CPN1: variants seen among roughly 807,000 people sequenced by gnomAD.
The protein encoded by CPN1 is carboxypeptidase N subunit 1.
CPN1 carries 37 observed loss-of-function variants against 46.4 expected under a neutral mutation model. That is an observed-to-expected ratio of 0.80 (90% CI 0.61 to 1.05). The LOEUF is 1.05. CPN1 is among the 50% of genes least tolerant of loss of function. The pLI is 0.00. For synonymous variants in CPN1, 224 were observed against 235.4 expected (o/e 0.95, Z 0.44); for missense variants, 563 against 602.6 (o/e 0.93, Z 0.69).
At chr10:100,044,404 T>G (rs1037666057) in intron 8 of CPN1, among the ~76,000 whole-genome samples, 1 of 152,224 alleles carries the variant, frequency 6.6e-6, no homozygotes, top group East Asian at 1.9e-4. Flanking sequence ...AGATAAGGTC[T>G]TACTCTGTCA....
rs139746954 is a variant in CPN1 at position 100,051,227 on chromosome 10, A to T, written c.1112-2351T>A. Among the ~76,000 whole-genome samples, 670 of 152,336 alleles carry T rather than the reference A, an allele frequency of 4.4e-3. 11 individuals carry two copies. The highest frequency in any genetic ancestry group is 0.015 in the African/African-American group (620 of 41,578). Reference sequence around the variant, plus strand: ...ATTTGAAATAATAAATACAATAAACATTGAGACAAACAATAATGAAGAAGT... The same window carrying T: ...ATTTGAAATAATAAATACAATAAACTTTGAGACAAACAATAATGAAGAAGT... On this transcript the variant is annotated intron_variant, in intron 7 of 8. Transcript: ENST00000370418.
At position 100,054,371 on chromosome 10, in the gene CPN1, C is replaced by T. The variant is rs1167453405; in HGVS notation, c.1087G>A (p.Gly363Arg). 1.9e-6 allele frequency: 3 copies of T among 1,613,976 alleles called. No homozygotes were observed. The highest frequency in any genetic ancestry group is 2.2e-5 in the South Asian group (2 of 91,076). Residue 363 changes from glycine (G) to arginine (R), a missense_variant, in exon 7 of 9, where the codon GGG (glycine) becomes AGG (arginine). Gly to Arg is a moderately radical substitution (Grantham distance 125). Transcript: ENST00000370418. ...CCTGAAGTGACATCATGGTTAATCC[C>T]ACTGACAGAAATGACAGCATTGGCG... ...NLANAVISVSGINHDVTSGDH... is the reference protein window; with the variant it reads ...NLANAVISVSRINHDVTSGDH...
At chr10:100,062,671 G>A (rs1472020812) in intron 5 of CPN1, among the ~76,000 whole-genome samples, 3 of 148,872 alleles carry the variant, frequency 2.0e-5, no homozygotes, top group Non-Finnish European at 4.4e-5. Context: ...TCACTGCACT[G>A]CAGCCTTGAC....
chr10:100,080,949 A>G (rs184574321), intron 1 of CPN1, among the ~76,000 whole-genome samples: 285 of 152,240 alleles, frequency 1.9e-3, no homozygotes, highest in South Asian at 8.3e-3. Context: ...CAAGTCCCCA[A>G]ACTCTCTCTG....
At chr10:100,045,196 AT>A (rs2041301048) in intron 8 of CPN1, among the ~76,000 whole-genome samples, 1 of 152,198 alleles carries the variant, frequency 6.6e-6, no homozygotes, top group African/African-American at 2.4e-5. Flanking sequence ...ATGTTAATTT[AT>A]TTAAAGAATA....
At chr10:100,044,391 T>G (rs1408618120) in intron 8 of CPN1, among the ~76,000 whole-genome samples, 2 of 152,198 alleles carry the variant, frequency 1.3e-5, no homozygotes, top group Non-Finnish European at 2.9e-5. Flanking sequence ...TATTTTTATT[T>G]TGAGATAAGG....
intron 7 of CPN1, among the ~76,000 whole-genome samples, chr10:100,053,297 T>C (rs552846443): frequency 6.6e-6 from 1 of 152,272 alleles, no homozygotes; most frequent in African/African-American, 2.4e-5. Flanking sequence ...GGCTGCTTGG[T>C]AATAAATGTT....
At chr10:100,048,552 G>A (rs1224249761) in intron 8 of CPN1, among the ~76,000 whole-genome samples, 3 of 152,062 alleles carry the variant, frequency 2.0e-5, no homozygotes, top group Non-Finnish European at 2.9e-5. Context: ...AAAATTAGGC[G>A]GGCATGGTGG....
chr10:100,075,058 G>A lies in CPN1; in HGVS notation c.420+853C>T, dbSNP rs542571629. ...TAATCCCAGCACTTTGGGAGGCTGAGGTGGGTGGATCACCTGAGGCCAGGA... is the reference window on the plus strand; with the variant it reads ...TAATCCCAGCACTTTGGGAGGCTGAAGTGGGTGGATCACCTGAGGCCAGGA... On this transcript the variant is annotated intron_variant, in intron 2 of 8. Coordinates refer to ENST00000370418, the MANE Select transcript of CPN1 (RefSeq NM_001308.3). 1.4e-4 allele frequency among the ~76,000 whole-genome samples: 22 copies of A among 152,304 alleles called. No homozygotes were observed. In the South Asian group the frequency reaches 4.6e-3, roughly 32 times the overall value.
intron 1 of CPN1, among the ~76,000 whole-genome samples, chr10:100,077,488 C>A (rs1272527889): frequency 6.6e-6 from 1 of 152,116 alleles, no homozygotes; most frequent in African/African-American, 2.4e-5. Flanking sequence ...GCCTTGGCCT[C>A]CCAAAGTGCT....
chr10:100,064,260 A>AAGTG (rs1269582085), intron 4 of CPN1, among the ~76,000 whole-genome samples: 1 of 152,026 alleles, frequency 6.6e-6, no homozygotes, highest in Non-Finnish European at 1.5e-5. Flanking sequence ...ACAGTGGACA[A>AAGTG]AGTGAGATCA....
At chr10:100,052,308 C>G (rs1564771349) in intron 7 of CPN1, among the ~76,000 whole-genome samples, 1 of 151,812 alleles carries the variant, frequency 6.6e-6, no homozygotes, top group Non-Finnish European at 1.5e-5. Context: ...TGAGCTCAGG[C>G]AATCCCCCCA....
At chr10:100,054,252 C>A in intron 7 of CPN1, 95 bp downstream of exon 7, 3 of 956,392 alleles carry the variant, frequency 3.1e-6, no homozygotes, top group Non-Finnish European at 5.1e-6. Flanking sequence ...GACACCCCTG[C>A]TGGTTTCACT....
chr10:100,074,589 G>A (rs1412766499), intron 2 of CPN1, among the ~76,000 whole-genome samples: 1 of 152,038 alleles, frequency 6.6e-6, no homozygotes, highest in East Asian at 1.9e-4. Flanking sequence ...CTAATTTTTT[G>A]TATATTTAGT....
chr10:100,077,227 CTTTT>C (rs57632037), intron 1 of CPN1, among the ~76,000 whole-genome samples: 1 of 113,744 alleles, frequency 8.8e-6, no homozygotes, highest in African/African-American at 3.7e-5. Context: ...CCGGTTTTAC[CTTTT>C]TTTTTTTTTT....
At position 100,081,722 on chromosome 10, in the gene CPN1, T is replaced by C; in HGVS notation, c.-97A>G. ...GCCAAAATCCAAGGTCCACCTAGCTTCCCGCTTGTAAACACCAGTCCAAAT... is the reference window on the plus strand; with the variant it reads ...GCCAAAATCCAAGGTCCACCTAGCTCCCCGCTTGTAAACACCAGTCCAAAT... On this transcript the variant is annotated 5_prime_UTR_variant, in exon 1 of 9. Coordinates refer to ENST00000370418, the MANE Select transcript of CPN1 (RefSeq NM_001308.3). The C allele has an allele frequency of 9.9e-7, 1 of 1,009,476 alleles. No individual in the cohort carries two copies. Among genetic ancestry groups the C allele is most frequent in the Non-Finnish European group, 1.5e-6 (1 of 659,494 alleles). 62.5% of individuals were successfully genotyped at this position (1,009,476 alleles called of 1,614,324 possible).
At chr10:100,057,924 G>A (rs58331526) in intron 5 of CPN1, among the ~76,000 whole-genome samples, 5,505 of 152,180 alleles carry the variant, frequency 0.036, 168 homozygotes, top group Middle Eastern at 0.088. Context: ...GGCTAATCAG[G>A]CTAATTAGGC....
chr10:100,068,456 G>A (rs534438459), intron 3 of CPN1, among the ~76,000 whole-genome samples: 5 of 151,816 alleles, frequency 3.3e-5, no homozygotes, highest in Middle Eastern at 3.2e-3. Context: ...CTCGTGATCC[G>A]CCCGCCTCGG....
intron 2 of CPN1, among the ~76,000 whole-genome samples, chr10:100,075,149 G>T (rs1265121123): frequency 6.6e-6 from 1 of 152,062 alleles, no homozygotes; most frequent in Non-Finnish European, 1.5e-5. Flanking sequence ...AAATTAGCTG[G>T]GCATGGTGGC....
Sources: gnomAD v4.1 joint callset for allele counts (sites outside exome capture counted in the v4.1 genomes callset) on GRCh38, gnomAD v4.1.1 for gene constraint, MANE v1.5 for transcripts, NCBI Gene and HGNC (gene_info 2026-07-23, HGNC 2026-07-21) for gene names.